WDR18: variants seen among roughly 807,000 people sequenced by gnomAD.
WDR18 encodes the protein WD repeat domain 18.
Under a neutral mutation model 49.6 loss-of-function variants are expected in WDR18, and 33 were observed. That is an observed-to-expected ratio of 0.67 (90% confidence interval 0.50 to 0.89). WDR18 has a LOEUF of 0.89. Among genes scored for constraint, WDR18 ranks in the 40% least tolerant of loss-of-function variants. The pLI, the probability that WDR18 is intolerant of heterozygous loss-of-function variation, is 0.00. For synonymous variants in WDR18, 315 were observed against 263.6 expected, an observed-to-expected ratio of 1.19 and a Z score of -1.89; for missense variants, 653 against 593.6, an observed-to-expected ratio of 1.10 and a Z score of -1.04.
intron 8 of WDR18, among the ~76,000 whole-genome samples, chr19:992,987 C>T (rs2038579611): frequency 6.6e-6 from 1 of 152,210 alleles, no homozygotes; most frequent in African/African-American, 2.4e-5. Context: ...CCAGGAGATG[C>T]CGTTATCTCC....
At chr19:992,814 C>T (rs929400682) in intron 8 of WDR18, among the ~76,000 whole-genome samples, 2 of 152,252 alleles carry the variant, frequency 1.3e-5, no homozygotes, top group African/African-American at 2.4e-5. Flanking sequence ...CCCCGACCTT[C>T]GATGAGCTGC....
upstream of WDR18, chr19:984,235 G>A (rs1416874012): frequency 9.5e-7 from 1 of 1,057,074 alleles, no homozygotes; most frequent in Non-Finnish European, 1.3e-6. Flanking sequence ...TCCGAGGCAC[G>A]GGCGCATGCG....
At chr19:991,543 TGGGGCGGGGCCTGGCTGGGAC>T (rs1219753073) in intron 7 of WDR18, among the ~76,000 whole-genome samples, 192 bp downstream of exon 7, 1 of 11,710 alleles carries the variant, frequency 8.5e-5, no homozygotes, top group Admixed American at 1.1e-3. Context: ...GGCTTTGCTG[TGGGGCGGGGCCTGGCTGGGAC>T]GGGGCGGGGC....
intron 4 of WDR18, 34 bp from the exon 5 acceptor site, chr19:990,818 C>A (rs769091996): frequency 6.4e-7 from 1 of 1,563,218 alleles, no homozygotes; most frequent in Admixed American, 1.8e-5. Context: ...TTCCCCCTGC[C>A]GGGCCGAGCC....
chr19:984,714 T>A (rs892960926), intron 1 of WDR18, 151 bp downstream of exon 1: 1 of 815,440 alleles, frequency 1.2e-6, no homozygotes. Flanking sequence ...TGCGCGGGTC[T>A]GGGGGCTTTG....
At chr19:993,236 G>T (rs761009469) in intron 8 of WDR18, among the ~76,000 whole-genome samples, 3 of 152,256 alleles carry the variant, frequency 2.0e-5, no homozygotes, top group Admixed American at 6.5e-5. Context: ...GGCAGAGCCA[G>T]CTCCACGCTA....
At chr19:993,929 G>A in intron 8 of WDR18, 91 bp from the exon 9 acceptor site, 1 of 1,436,776 alleles carries the variant, frequency 7.0e-7, no homozygotes, top group Non-Finnish European at 9.5e-7. Context: ...CCCTGGCTGA[G>A]TGGCTGCCCA....
Position 994,039 on chromosome 19 carries a change from T to C in WDR18, c.1118T>C (p.Leu373Pro), listed in dbSNP as rs1239434560. ...TTACAGGGCTCGGAGCCCAGCTACC[T>C]GGACCGCACGGAGCAGCTGCAGGCC... Reference protein sequence around the residue: ...LHQQGSEPSYLDRTEQLQAVL... With the variant: ...LHQQGSEPSYPDRTEQLQAVL... Residue 373 changes from leucine to proline, a missense_variant, in exon 9 of 10, where the codon CTG becomes CCG. Coordinates refer to ENST00000585809, the MANE Select transcript of WDR18 (RefSeq NM_024100.4). 6.4e-7 allele frequency: 1 copy of C among 1,558,804 alleles called. No homozygotes were observed. The highest frequency in any genetic ancestry group is 8.7e-7 in the Non-Finnish European group (1 of 1,152,486).
intron 4 of WDR18, chr19:990,637 G>A: frequency 3.6e-6 from 3 of 827,068 alleles, no homozygotes; most frequent in Non-Finnish European, 5.4e-6. Context: ...TCCTGGGAGG[G>A]AGAACCAGGG....
At position 991,359 on chromosome 19, in the gene WDR18, C is replaced by A. The variant is rs748935888; in HGVS notation, c.931+8C>A. On this transcript the variant is annotated splice_region_variant and intron_variant, in intron 7 of 9. Coordinates refer to ENST00000585809, the MANE Select transcript of WDR18 (RefSeq NM_024100.4). The stretch of plus-strand genomic sequence containing the variant: ...GGACGGTGGCCCTCAAAGGTGGGCG[C>A]GCCTCTGCTCGGCCCGCGGCCAGCG... The A allele has an allele frequency of 1.3e-6, 2 of 1,544,192 alleles. No homozygotes were observed. The highest frequency in any genetic ancestry group is 2.8e-5 in the African/African-American group (2 of 72,024).
intron 2 of WDR18, among the ~76,000 whole-genome samples, chr19:986,816 C>T (rs1366770181): frequency 1.3e-5 from 2 of 152,206 alleles, no homozygotes; most frequent in Non-Finnish European, 2.9e-5. Flanking sequence ...TTGGCCCATA[C>T]CGTAGCTGTG....
chr19:991,896 C>T, intron 7 of WDR18, 59 bp from the exon 8 acceptor site: 1 of 1,356,102 alleles, frequency 7.4e-7, no homozygotes, highest in Non-Finnish European at 9.4e-7. Context: ...CGGAACTTGG[C>T]TTGCTGTGGG....
intron 5 of WDR18, 40 bp downstream of exon 5, chr19:991,035 C>T: frequency 6.3e-7 from 1 of 1,598,736 alleles, no homozygotes; most frequent in Non-Finnish European, 8.5e-7. Flanking sequence ...TGCCCTGGGG[C>T]TGAGGGCATC....
chr19:992,000 TGAGCTCA>T lies in WDR18; in HGVS notation c.980_986del (p.Ser327ThrfsTer74). On this transcript the variant is annotated frameshift_variant, in exon 8 of 10. Coordinates refer to ENST00000585809, the MANE Select transcript of WDR18 (RefSeq NM_024100.4). LOFTEE classifies it high-confidence loss of function. ...ATCCTGCTGGCGCCCGTCAGCATGC[TGAGCTCA>T]GACTTCAGGCCCAGCCTGCCGCTGC... 1 of 1,598,426 alleles carries T rather than the reference TGAGCTCA, an allele frequency of 6.3e-7. No homozygotes were observed. The highest frequency in any genetic ancestry group is 8.5e-7 in the Non-Finnish European group (1 of 1,176,288).
chr19:986,589 G>T (rs75615445), intron 2 of WDR18, among the ~76,000 whole-genome samples: 2,904 of 152,226 alleles, frequency 0.019, 75 homozygotes, highest in East Asian at 0.11. Context: ...TTTTCTTACC[G>T]CTGGACCAAC....
intron 8 of WDR18, among the ~76,000 whole-genome samples, chr19:992,694 C>T (rs746794088): frequency 3.2e-4 from 48 of 152,190 alleles, no homozygotes; most frequent in Non-Finnish European, 6.3e-4. Flanking sequence ...ACTTCCCACC[C>T]CAGCCCCAAG....
At chr19:984,312 T>A, upstream of WDR18, 1 of 1,523,274 alleles carries the variant, frequency 6.6e-7, no homozygotes, top group Non-Finnish European at 8.8e-7. Flanking sequence ...CGTCCGCGTC[T>A]CGCTCATGAT....
Position 984,345 on chromosome 19 carries a change from G to GA in WDR18, c.-7dup, listed in dbSNP as rs778905649. On this transcript the variant is annotated 5_prime_UTR_variant, in exon 1 of 10. Coordinates refer to ENST00000585809, the MANE Select transcript of WDR18 (RefSeq NM_024100.4). ...GATGACGCACGTCCGGGGCGGTGGG[G>GA]AAGGCAAGATGGCGGCGCCCATGGA... 5 of 1,585,790 alleles carry GA rather than the reference G, an allele frequency of 3.2e-6. No individual in the cohort carries two copies. The highest frequency in any genetic ancestry group is 1.7e-6 in the Non-Finnish European group (2 of 1,168,542).
chr19:989,693 G>A, intron 2 of WDR18, 69 bp from the exon 3 acceptor site: 2 of 1,592,462 alleles, frequency 1.3e-6, no homozygotes, highest in Non-Finnish European at 1.7e-6. Context: ...TGGGTTCCTG[G>A]GGCTGCAGCC....
Sources: gnomAD v4.1 joint callset for allele counts (sites outside exome capture counted in the v4.1 genomes callset) on GRCh38, gnomAD v4.1.1 for gene constraint, MANE v1.5 for transcripts, NCBI Gene and HGNC (gene_info 2026-07-23, HGNC 2026-07-21) for gene names.